The following DENND1A variants were observed in gnomAD, a reference collection of about 807,000 sequenced individuals.
DENND1A encodes DENN domain containing 1A.
A neutral mutation model predicts 113.7 loss-of-function variants in DENND1A; 51 were observed. The ratio of observed to expected loss-of-function variants is 0.45; its 90% CI spans 0.36 to 0.57. The LOEUF (loss-of-function observed/expected upper bound fraction) is 0.57. Ranked by LOEUF, DENND1A falls within the 20% of genes least tolerant of loss-of-function variation. The pLI, the probability that DENND1A is intolerant of heterozygous loss-of-function variation, is 0.00. For missense variants in DENND1A, 1,258 were observed against 1,395.9 expected (o/e 0.90, Z 1.57); for synonymous variants, 565 against 570.8 (o/e 0.99, Z 0.14).
intron 10 of DENND1A, among the ~76,000 whole-genome samples, chr9:123,625,111 A>AT (rs2061141745): frequency 6.6e-6 from 1 of 152,088 alleles, no homozygotes; most frequent in Non-Finnish European, 1.5e-5. Context: ...TATACATCCG[A>AT]TTTTTTGTGT....
chr9:123,896,480 A>G (rs1850778761), intron 1 of DENND1A, among the ~76,000 whole-genome samples: 1 of 152,212 alleles, frequency 6.6e-6, no homozygotes, highest in Admixed American at 6.5e-5. Flanking sequence ...AGCTCCAAGA[A>G]ATATGAGCTC....
chr9:123,634,913 C>G (rs2061632862), intron 9 of DENND1A, among the ~76,000 whole-genome samples: 1 of 152,178 alleles, frequency 6.6e-6, no homozygotes, highest in Non-Finnish European at 1.5e-5. Flanking sequence ...TTTTTGGATG[C>G]ACTTTAGCAA....
intron 13 of DENND1A, among the ~76,000 whole-genome samples, chr9:123,548,160 G>T (rs750473118): frequency 2.0e-5 from 3 of 152,176 alleles, no homozygotes; most frequent in Non-Finnish European, 4.4e-5. Flanking sequence ...CAGAGCTATA[G>T]TGATGGTCCC....
intron 13 of DENND1A, among the ~76,000 whole-genome samples, chr9:123,546,551 CAA>C (rs376162634): frequency 1.4e-4 from 19 of 138,742 alleles, no homozygotes; most frequent in African/African-American, 2.9e-4. Flanking sequence ...GACTCCATCT[CAA>C]AAAAAAAAAA....
intron 2 of DENND1A, among the ~76,000 whole-genome samples, chr9:123,797,568 T>C (rs1269687358): frequency 6.6e-6 from 1 of 152,170 alleles, no homozygotes; most frequent in East Asian, 1.9e-4. Context: ...CTGCATTAAA[T>C]ATAGCGTTTC....
chr9:123,486,595 T>G (rs982714845), intron 13 of DENND1A, among the ~76,000 whole-genome samples: 4 of 152,158 alleles, frequency 2.6e-5, no homozygotes, highest in African/African-American at 4.8e-5. Flanking sequence ...CTTGGAAAGT[T>G]GGCACCAACT....
At chr9:123,466,940 A>C (rs1321012664) in intron 13 of DENND1A, among the ~76,000 whole-genome samples, 13 of 151,504 alleles carry the variant, frequency 8.6e-5, no homozygotes, top group Non-Finnish European at 1.9e-4. Flanking sequence ...CATGCCAGCT[A>C]CTCAGGACGC....
At chr9:123,533,075 G>A (rs1012270596) in intron 13 of DENND1A, among the ~76,000 whole-genome samples, 2 of 152,206 alleles carry the variant, frequency 1.3e-5, no homozygotes, top group African/African-American at 4.8e-5. Context: ...AAATGAGAAA[G>A]AAAGATCTCA....
chr9:123,463,752 T>C (rs1027607244), intron 13 of DENND1A, among the ~76,000 whole-genome samples: 3 of 151,572 alleles, frequency 2.0e-5, no homozygotes, highest in Non-Finnish European at 4.4e-5. Flanking sequence ...TCTACAAAAA[T>C]ACAAAAATTA....
chr9:123,826,717 T>G (rs1839384565), intron 2 of DENND1A, among the ~76,000 whole-genome samples: 2 of 152,202 alleles, frequency 1.3e-5, no homozygotes, highest in Non-Finnish European at 2.9e-5. Flanking sequence ...ATCTGCCATG[T>G]TCCCAAAACC....
chr9:123,694,052 T>C (rs954009214), intron 5 of DENND1A, among the ~76,000 whole-genome samples: 10 of 151,780 alleles, frequency 6.6e-5, no homozygotes, highest in Non-Finnish European at 1.5e-4. Context: ...GCCAGGATGG[T>C]CTCGATCTCT....
At position 123,630,431 on chromosome 9, in the gene DENND1A, A is replaced by T; in HGVS notation, c.664T>A (p.Tyr222Asn). ...ACGGGGATGTACACGTGCTGCCAGT[A>T]CATGGGGTAGAGCATCGCCGCAGAC... is the stretch of plus-strand genomic sequence containing the variant. ...HGSAAMLYPM[Y>N]WQHVYIPVLP... The change falls in exon 10 of 24, where the codon TAC (tyrosine) becomes AAC (asparagine). Residue 222 changes from tyrosine to asparagine, a missense_variant. This residue lies in a region of DENND1A where 1,159 missense variants were observed against 1,231.7 expected (regional missense o/e 0.94). Coordinates refer to ENST00000394215, the MANE Select transcript of DENND1A (RefSeq NM_001352964.2). 1 of 1,605,554 alleles carries T rather than the reference A, an allele frequency of 6.2e-7. No homozygotes were observed. Among genetic ancestry groups the T allele is most frequent in the Non-Finnish European group, 8.5e-7 (1 of 1,175,526 alleles).
At chr9:123,740,899 TGAGAGAGAGAGAGAGAGAGAGA>T (rs56006420) in intron 5 of DENND1A, among the ~76,000 whole-genome samples, 1,332 of 108,944 alleles carry the variant, frequency 0.012, 45 homozygotes, top group Admixed American at 0.086. Flanking sequence ...GAAGGGAAAG[TGAGAGAGAGAGAGAGAGAGAGA>T]GAGAGAGAGA....
At chr9:123,437,345 G>A (rs926981929) in intron 19 of DENND1A, among the ~76,000 whole-genome samples, 5 of 152,184 alleles carry the variant, frequency 3.3e-5, no homozygotes, top group Admixed American at 2.0e-4. Flanking sequence ...CTCTTGCCTC[G>A]ACACTAAGCT....
intron 2 of DENND1A, among the ~76,000 whole-genome samples, chr9:123,828,160 A>G (rs1839647024): frequency 6.6e-6 from 1 of 152,144 alleles, no homozygotes; most frequent in Admixed American, 6.5e-5. Context: ...GGAGAGAGAG[A>G]GGGAGATAAG....
At chr9:123,668,085 A>C (rs1416112961) in intron 7 of DENND1A, among the ~76,000 whole-genome samples, 1 of 152,160 alleles carries the variant, frequency 6.6e-6, no homozygotes, top group Non-Finnish European at 1.5e-5. Flanking sequence ...GCTGCTATTA[A>C]AGACTCAGAA....
intron 5 of DENND1A, among the ~76,000 whole-genome samples, chr9:123,745,192 C>T (rs1287751623): frequency 6.6e-6 from 1 of 152,102 alleles, no homozygotes; most frequent in African/African-American, 2.4e-5. Context: ...GGAATGCAGG[C>T]CCTACTCTGA....
At chr9:123,449,319 G>A (rs988539252) in intron 18 of DENND1A, among the ~76,000 whole-genome samples, 9 of 152,236 alleles carry the variant, frequency 5.9e-5, no homozygotes, top group African/African-American at 1.7e-4. Flanking sequence ...GGCGGATCAC[G>A]AGGTCAGGAG....
chr9:123,623,740 T>G (rs1000437591), intron 10 of DENND1A, among the ~76,000 whole-genome samples: 2 of 152,206 alleles, frequency 1.3e-5, no homozygotes, highest in Non-Finnish European at 2.9e-5. Flanking sequence ...TACTTTTCAT[T>G]TATTAACTGC....
Sources: gnomAD v4.1 joint callset for allele counts (sites outside exome capture counted in the v4.1 genomes callset) on GRCh38, gnomAD v4.1.1 for gene constraint, gnomAD v4.1.1 regional missense constraint, MANE v1.5 for transcripts, NCBI Gene and HGNC (gene_info 2026-07-23, HGNC 2026-07-21) for gene names.